Variants in MYT1L observed in about 807,000 individuals in gnomAD.
MYT1L encodes the protein myelin transcription factor 1 like.
A neutral mutation model predicts 126.7 loss-of-function variants in MYT1L; 12 were observed. The ratio of observed to expected loss-of-function variants is 0.09; its 90% CI spans 0.06 to 0.15. MYT1L has a LOEUF of 0.15. Among genes scored for constraint, MYT1L ranks in the 10% least tolerant of loss-of-function variants. MYT1L has a pLI of 1.00. For synonymous variants in MYT1L, 541 were observed against 604.2 expected, an observed-to-expected ratio of 0.90 and a Z score of 1.53; for missense variants, 979 against 1,585.2, an observed-to-expected ratio of 0.62 and a Z score of 6.49.
intron 4 of MYT1L, among the ~76,000 whole-genome samples, chr2:2,022,006 T>C (rs1287833432): frequency 6.6e-6 from 1 of 152,066 alleles, no homozygotes; most frequent in Non-Finnish European, 1.5e-5. Context: ...ATGTCCTGAG[T>C]GTAAGCCAGC....
At chr2:2,078,284 GAC>G (rs1364438187) in intron 3 of MYT1L, among the ~76,000 whole-genome samples, 1 of 152,028 alleles carries the variant, frequency 6.6e-6, no homozygotes, top group Non-Finnish European at 1.5e-5. Context: ...GAATAAAGCA[GAC>G]ACAAGATATA....
chr2:1,909,906 T>G (rs1371049413), intron 13 of MYT1L, among the ~76,000 whole-genome samples: 2 of 152,204 alleles, frequency 1.3e-5, no homozygotes, highest in East Asian at 3.8e-4. Flanking sequence ...AAAATTACCT[T>G]GGACATCTCA....
chr2:1,841,871 G>A (rs772276823), intron 19 of MYT1L: 2 of 152,216 alleles, frequency 1.3e-5, no homozygotes, highest in African/African-American at 4.8e-5. Flanking sequence ...GCAGACGGGA[G>A]AGTGGGAGCT....
At chr2:1,890,660 G>A (rs143127939) in intron 15 of MYT1L, among the ~76,000 whole-genome samples, 58 of 152,022 alleles carry the variant, frequency 3.8e-4, no homozygotes, top group African/African-American at 1.2e-3. Context: ...AAAAAAATCA[G>A]AATACCCCTA....
At chr2:1,810,785 T>C (rs2036493480) in intron 21 of MYT1L, among the ~76,000 whole-genome samples, 1 of 152,240 alleles carries the variant, frequency 6.6e-6, no homozygotes, top group Non-Finnish European at 1.5e-5. Flanking sequence ...CCTATCTTTG[T>C]ATAAAAATAT....
intron 5 of MYT1L, among the ~76,000 whole-genome samples, chr2:1,991,905 C>T (rs1325296525): frequency 6.6e-6 from 1 of 152,188 alleles, no homozygotes; most frequent in African/African-American, 2.4e-5. Flanking sequence ...GCTCTCAGAG[C>T]TCTATCCTGG....
intron 8 of MYT1L, among the ~76,000 whole-genome samples, chr2:1,949,325 A>G (rs1297737097): frequency 6.6e-6 from 1 of 152,154 alleles, no homozygotes; most frequent in Non-Finnish European, 1.5e-5. Flanking sequence ...TTTTCACCCT[A>G]TTTAGGTTAC....
At chr2:2,062,921 C>A (rs1480770139) in intron 3 of MYT1L, among the ~76,000 whole-genome samples, 1 of 152,032 alleles carries the variant, frequency 6.6e-6, no homozygotes, top group Non-Finnish European at 1.5e-5. Flanking sequence ...TTTCAAGGGC[C>A]ATCGTCTTCC....
At chr2:2,279,578 A>G (rs1330576854) in intron 2 of MYT1L, among the ~76,000 whole-genome samples, 1 of 149,538 alleles carries the variant, frequency 6.7e-6, no homozygotes, top group Non-Finnish European at 1.5e-5. Flanking sequence ...TGAAGGAAGG[A>G]AGGAAGGAAG....
rs1329749050 is a variant in MYT1L, at chr2:1,962,162, C to G, written c.152+17003G>C. 2.6e-5 allele frequency among the ~76,000 whole-genome samples: 4 copies of G among 152,148 alleles called. No individual in the cohort carries two copies. In the East Asian group the frequency reaches 7.7e-4, roughly 29 times the overall value. On this transcript the variant is annotated intron_variant, in intron 8 of 24. Coordinates refer to ENST00000647738, the MANE Select transcript of MYT1L (RefSeq NM_001303052.2). Reference sequence around the variant, plus strand: ...GATATAAGGTTATAATGTACTAATACCTTGCATGCATTTTTCTATTGCTAG... The same window carrying G: ...GATATAAGGTTATAATGTACTAATAGCTTGCATGCATTTTTCTATTGCTAG...
chr2:2,326,842 G>A (rs1211318387), intron 1 of MYT1L: 2 of 152,134 alleles, frequency 1.3e-5, no homozygotes, highest in Non-Finnish European at 2.9e-5. Flanking sequence ...AAAAATCACT[G>A]TGTATGCTTG....
At chr2:2,111,681 A>C (rs1288707269) in intron 3 of MYT1L, among the ~76,000 whole-genome samples, 2 of 152,256 alleles carry the variant, frequency 1.3e-5, no homozygotes, top group African/African-American at 4.8e-5. Context: ...ATCACCAGGA[A>C]CCAGGTAAAG....
intron 8 of MYT1L, among the ~76,000 whole-genome samples, chr2:1,956,268 C>T (rs992768550): frequency 7.1e-6 from 1 of 140,638 alleles, no homozygotes; most frequent in Admixed American, 6.9e-5. Context: ...CCTATTCTAT[C>T]TGTCTATCTA....
At chr2:2,005,727 C>G (rs372837559) in intron 4 of MYT1L, among the ~76,000 whole-genome samples, 2 of 149,326 alleles carry the variant, frequency 1.3e-5, no homozygotes, top group African/African-American at 5.0e-5. Flanking sequence ...TGCATGCGTT[C>G]TTTCCTGTGT....
chr2:1,989,878 A>G (rs1405944718), intron 5 of MYT1L, among the ~76,000 whole-genome samples: 1 of 152,234 alleles, frequency 6.6e-6, no homozygotes, highest in Non-Finnish European at 1.5e-5. Flanking sequence ...GGTGTCTGTA[A>G]TCCCAGCTAC....
intron 3 of MYT1L, among the ~76,000 whole-genome samples, chr2:2,082,295 C>T (rs1324541858): frequency 4.6e-5 from 7 of 152,152 alleles, no homozygotes; most frequent in South Asian, 2.1e-4. Context: ...AAGGAAATGT[C>T]GATGTGGGGA....
At chr2:2,109,004 AC>A (rs566431072) in intron 3 of MYT1L, among the ~76,000 whole-genome samples, 52 of 152,112 alleles carry the variant, frequency 3.4e-4, no homozygotes, top group Middle Eastern at 3.4e-3. Flanking sequence ...CCCTGTCTAT[AC>A]CCCAGCCTGA....
At chr2:2,007,773 A>T (rs545953365) in intron 4 of MYT1L, among the ~76,000 whole-genome samples, 1 of 152,274 alleles carries the variant, frequency 6.6e-6, no homozygotes, top group South Asian at 2.1e-4. Context: ...TGGGAGTGGA[A>T]GATCTGATCC....
At chr2:2,295,775 G>T (rs1330213877) in intron 1 of MYT1L, among the ~76,000 whole-genome samples, 1 of 137,490 alleles carries the variant, frequency 7.3e-6, no homozygotes, top group Admixed American at 7.0e-5. Flanking sequence ...GACAGAGAGA[G>T]AGATAGAGAG....
Sources: gnomAD v4.1 joint callset for allele counts (sites outside exome capture counted in the v4.1 genomes callset) on GRCh38, gnomAD v4.1.1 for gene constraint, MANE v1.5 for transcripts, NCBI Gene and HGNC (gene_info 2026-07-23, HGNC 2026-07-21) for gene names.